Variants in ZMYM2 observed in about 807,000 individuals in gnomAD.
The protein encoded by ZMYM2 is zinc finger MYM-type containing 2, also known as zinc finger MYM-type protein 2.
In ZMYM2, 56 loss-of-function variants were observed where a neutral mutation model predicts 162.8. That is an observed-to-expected ratio of 0.34 (90% confidence interval 0.28 to 0.43). ZMYM2 has a LOEUF of 0.43. Ranked by LOEUF, ZMYM2 falls within the 20% of genes least tolerant of loss-of-function variation. ZMYM2 has a pLI of 1.00. For synonymous variants in ZMYM2, 510 were observed against 541.6 expected, an observed-to-expected ratio of 0.94 and a Z score of 0.81; for missense variants, 1,275 against 1,621.8, an observed-to-expected ratio of 0.79 and a Z score of 3.67.
chr13:20,046,607 G>GTGTGTGTGTGTGTGTA (rs781273129), intron 12 of ZMYM2, among the ~76,000 whole-genome samples: 11 of 104,372 alleles, frequency 1.1e-4, no homozygotes, highest in African/African-American at 3.9e-4. Flanking sequence ...GTGTGTGTGT[G>GTGTGTGTGTGTGTGTA]TATATATATG....
chr13:19,905,484 A>C, the ZMYM2 span, among the ~76,000 whole-genome samples: 122,301 of 152,004 alleles, frequency 0.8, 50,275 homozygotes, highest in East Asian at 0.96. Flanking sequence ...ACCCCAACCA[A>C]CTTAATTATC....
intron 21 of ZMYM2, among the ~76,000 whole-genome samples, chr13:20,074,939 T>G (rs1593249079): frequency 1.3e-5 from 2 of 152,224 alleles, no homozygotes; most frequent in Non-Finnish European, 1.5e-5. Flanking sequence ...AAGATGGTAA[T>G]TTTTTTGTTC....
At chr13:19,998,431 A>G (rs911250640) in intron 3 of ZMYM2, among the ~76,000 whole-genome samples, 2 of 152,222 alleles carry the variant, frequency 1.3e-5, no homozygotes, top group South Asian at 4.1e-4. Flanking sequence ...TGACAAGCCT[A>G]CAAAATAGAA....
chr13:19,959,085 T>C (rs1265671167), intron 1 of ZMYM2, among the ~76,000 whole-genome samples: 1 of 148,162 alleles, frequency 6.7e-6, no homozygotes, highest in Admixed American at 6.7e-5. Flanking sequence ...CAGGCGCCTT[T>C]GCGTGCGGCC....
the ZMYM2 span, among the ~76,000 whole-genome samples, chr13:19,919,375 G>T: frequency 2.6e-5 from 4 of 152,110 alleles, no homozygotes; most frequent in East Asian, 5.8e-4. Flanking sequence ...GGGTGCCATT[G>T]TTAAGTTGTA....
intron 17 of ZMYM2, 117 bp from the exon 18 acceptor site, chr13:20,062,726 CATT>C: frequency 1.9e-6 from 2 of 1,027,716 alleles, no homozygotes; most frequent in East Asian, 2.8e-5. Context: ...TCTTTTGTGA[CATT>C]ATACGTATTT....
the ZMYM2 span, among the ~76,000 whole-genome samples, chr13:19,890,992 T>C: frequency 6.6e-6 from 1 of 152,008 alleles, no homozygotes; most frequent in Non-Finnish European, 1.5e-5. Flanking sequence ...GGCATTTTAC[T>C]ACTTTGTAAA....
At chr13:19,995,659 G>A (rs1331516213) in intron 3 of ZMYM2, among the ~76,000 whole-genome samples, 1 of 152,144 alleles carries the variant, frequency 6.6e-6, no homozygotes, top group African/African-American at 2.4e-5. Flanking sequence ...GATTACAGGT[G>A]TGAGCCACTG....
intron 2 of ZMYM2, among the ~76,000 whole-genome samples, chr13:19,969,238 T>G (rs879878616): frequency 4.7e-4 from 71 of 152,352 alleles, no homozygotes; most frequent in Admixed American, 2.8e-3. Flanking sequence ...TTCCCTATCC[T>G]TATGTTGCAG....
At chr13:19,977,899 C>T (rs1444609120) in intron 2 of ZMYM2, among the ~76,000 whole-genome samples, 18 of 144,126 alleles carry the variant, frequency 1.2e-4, no homozygotes, top group South Asian at 2.2e-4. Context: ...TTTTTTGAGA[C>T]GGGGTCTTGC....
chr13:20,043,274 A>T (rs1023520387), intron 12 of ZMYM2, among the ~76,000 whole-genome samples: 1 of 152,098 alleles, frequency 6.6e-6, no homozygotes, highest in African/African-American at 2.4e-5. Context: ...CACTTGATGG[A>T]TGGTGTCAGT....
intron 2 of ZMYM2, among the ~76,000 whole-genome samples, chr13:19,988,931 T>C (rs750052927): frequency 1.2e-4 from 19 of 152,336 alleles, no homozygotes; most frequent in Middle Eastern, 3.4e-3. Context: ...CATCTTCCGC[T>C]AAGATGACTC....
At chr13:19,918,495 C>CTTTTTTTTTTTT in the ZMYM2 span, among the ~76,000 whole-genome samples, 3 of 107,502 alleles carry the variant, frequency 2.8e-5, no homozygotes, top group Non-Finnish European at 5.6e-5. Context: ...TTCTTTCTTT[C>CTTTTTTTTTTTT]TTTTTTTTTT....
the ZMYM2 span, among the ~76,000 whole-genome samples, chr13:19,921,464 G>A: frequency 7.9e-5 from 12 of 151,928 alleles, no homozygotes; most frequent in African/African-American, 2.9e-4. Context: ...GTTTTGTTTT[G>A]CTTTGCTTTT....
At chr13:19,881,743 G>A in the ZMYM2 span, among the ~76,000 whole-genome samples, 2 of 152,132 alleles carry the variant, frequency 1.3e-5, no homozygotes, top group Non-Finnish European at 2.9e-5. Context: ...CCAGCACTTT[G>A]ATGGCCGAGG....
At chr13:19,923,875 T>C in the ZMYM2 span, among the ~76,000 whole-genome samples, 2 of 152,012 alleles carry the variant, frequency 1.3e-5, no homozygotes, top group Non-Finnish European at 2.9e-5. Flanking sequence ...TTCGCCATGT[T>C]GGCCAGGCTG....
At chr13:20,059,056 C>G in intron 15 of ZMYM2, 1 of 405,806 alleles carries the variant, frequency 2.5e-6, no homozygotes. Flanking sequence ...TCCTTCCTGT[C>G]AGAATGAGGT....
chr13:19,994,479 G>T lies in ZMYM2; in HGVS notation c.847+560G>T, dbSNP rs61390163. On this transcript the variant is annotated intron_variant, in intron 3 of 24. Transcript: ENST00000610343. ...CACACTTAAAGAACAGTGTAATATT[G>T]TACAGTAGTTGCATTTAGATTTTTT... Among the ~76,000 whole-genome samples, 1,136 of 152,202 alleles carry T rather than the reference G, an allele frequency of 7.5e-3. 11 individuals carry two copies. Among genetic ancestry groups the T allele is most frequent in the African/African-American group, 0.025 (1,033 of 41,546 alleles).
At chr13:19,929,484 C>T in the ZMYM2 span, among the ~76,000 whole-genome samples, 5 of 152,112 alleles carry the variant, frequency 3.3e-5, no homozygotes, top group Admixed American at 2.6e-4. Flanking sequence ...TTGATCTGCC[C>T]GCCTCGACCT....
Sources: allele counts gnomAD v4.1 joint callset (sites outside exome capture counted in the v4.1 genomes callset), GRCh38; gene constraint gnomAD v4.1.1; transcripts MANE v1.5; gene names NCBI Gene and HGNC (gene_info 2026-07-23, HGNC 2026-07-21).